The following ROBO2 variants were observed in gnomAD, a reference collection of about 807,000 sequenced individuals.
ROBO2 encodes roundabout guidance receptor 2.
Under a neutral mutation model 160.8 loss-of-function variants are expected in ROBO2, and 53 were observed. The ratio of observed to expected loss-of-function variants is 0.33; its 90% CI spans 0.26 to 0.41. The LOEUF (loss-of-function observed/expected upper bound fraction) is 0.41. Ranked by LOEUF, ROBO2 falls within the 10% of genes least tolerant of loss-of-function variation. ROBO2 has a pLI of 1.00. For missense variants in ROBO2, 1,577 were observed against 1,722.4 expected (o/e 0.92, Z 1.49); for synonymous variants, 664 against 611.7 (o/e 1.09, Z -1.26).
At chr3:76,839,037 C>T (rs1329226953) in intron 2 of ROBO2, among the ~76,000 whole-genome samples, 1 of 152,112 alleles carries the variant, frequency 6.6e-6, no homozygotes, top group Non-Finnish European at 1.5e-5. Flanking sequence ...ACCACTGATG[C>T]AATCTAGATG....
intron 2 of ROBO2, among the ~76,000 whole-genome samples, chr3:76,845,975 C>G (rs2068739561): frequency 6.6e-6 from 1 of 152,080 alleles, no homozygotes. Context: ...CACTGTGGAA[C>G]ATTACTTATG....
At chr3:77,370,710 G>T (rs1456897237) in intron 2 of ROBO2, among the ~76,000 whole-genome samples, 14 of 152,104 alleles carry the variant, frequency 9.2e-5, no homozygotes, top group Admixed American at 7.2e-4. Context: ...CTTTAAAGAA[G>T]AATAATATTG....
intron 2 of ROBO2, among the ~76,000 whole-genome samples, chr3:77,104,122 T>C (rs2072453796): frequency 6.6e-6 from 1 of 152,150 alleles, no homozygotes; most frequent in Admixed American, 6.5e-5. Context: ...TTTTGGTGTA[T>C]TCATGGGGTT....
rs187308840 is a variant in ROBO2 at position 77,185,905 on chromosome 3, G to T, written c.388+87565G>T. Among the ~76,000 whole-genome samples, 52 of 152,008 alleles carry T rather than the reference G, an allele frequency of 3.4e-4. No homozygotes were observed. In the East Asian group the frequency reaches 9.5e-3, roughly 28 times the overall value. ...AACCTGGATGAGATTGGAGATTATTGTTCTAAGTGAAGTAGCTCAGGAGCG... is the reference window on the plus strand; with the variant it reads ...AACCTGGATGAGATTGGAGATTATTTTTCTAAGTGAAGTAGCTCAGGAGCG... On this transcript the variant is annotated intron_variant, in intron 2 of 25. Transcript: ENST00000461745.
intron 2 of ROBO2, among the ~76,000 whole-genome samples, chr3:76,420,224 AG>A (rs2075934306): frequency 2.6e-5 from 4 of 152,092 alleles, no homozygotes; most frequent in Non-Finnish European, 5.9e-5. Flanking sequence ...TATCTTTCCT[AG>A]GCTGATCTTG....
At chr3:77,635,133 A>C (rs958318189) in intron 24 of ROBO2, 90 bp downstream of exon 25, 1 of 1,416,842 alleles carries the variant, frequency 7.1e-7, no homozygotes, top group Non-Finnish European at 9.8e-7. Context: ...ATGGTAGATT[A>C]GCCATTGCTT....
chr3:76,789,781 C>T (rs116543734), intron 2 of ROBO2, among the ~76,000 whole-genome samples: 4,951 of 151,520 alleles, frequency 0.033, 109 homozygotes, highest in Middle Eastern at 0.13. Context: ...AGAAATAGAA[C>T]GTCAAGAAAA....
At chr3:77,579,038 C>A (rs2093843076) in intron 15 of ROBO2, among the ~76,000 whole-genome samples, 1 of 152,064 alleles carries the variant, frequency 6.6e-6, no homozygotes, top group Non-Finnish European at 1.5e-5. Flanking sequence ...ACATGATTCA[C>A]AAGAATTATT....
chr3:76,987,538 G>A (rs6770370), intron 2 of ROBO2, among the ~76,000 whole-genome samples: 95,397 of 151,936 alleles, frequency 0.63, 32,486 homozygotes, highest in African/African-American at 0.9. Flanking sequence ...ATGTAGCAAT[G>A]TATTTTACTG....
At chr3:76,279,494 T>G (rs1037446551) in intron 2 of ROBO2, among the ~76,000 whole-genome samples, 3 of 152,012 alleles carry the variant, frequency 2.0e-5, no homozygotes, top group Non-Finnish European at 4.4e-5. Flanking sequence ...ATATTAGTTA[T>G]AATAGGTCTT....
intron 2 of ROBO2, among the ~76,000 whole-genome samples, chr3:76,416,433 A>G (rs1218745931): frequency 2.0e-5 from 3 of 151,746 alleles, no homozygotes; most frequent in African/African-American, 4.9e-5. Context: ...TGTGGGGGGG[A>G]AATAATTTAC....
Position 76,740,005 on chromosome 3 carries a change from G to A in ROBO2, c.110-358009G>A, listed in dbSNP as rs753747136. Reference sequence around the variant, plus strand: ...CCATTTCAAAACTAAGAAAAATGGCGTTTTTGAACATATCTTTTTGCCTAT... The same window carrying A: ...CCATTTCAAAACTAAGAAAAATGGCATTTTTGAACATATCTTTTTGCCTAT... On this transcript the variant is annotated intron_variant, in intron 2 of 26. Transcript: ENST00000487694. Among the ~76,000 whole-genome samples the A allele has an allele frequency of 1.2e-3, 182 of 152,108 alleles. 3 individuals are homozygous for A. Among genetic ancestry groups the A allele is most frequent in the South Asian group, 4.1e-4 (2 of 4,832 alleles).
chr3:76,440,651 T>C (rs2076884086), intron 2 of ROBO2, among the ~76,000 whole-genome samples: 1 of 152,164 alleles, frequency 6.6e-6, no homozygotes, highest in Non-Finnish European at 1.5e-5. Context: ...AGAAATGTGT[T>C]CTGTATCCAC....
At chr3:76,582,726 G>A (rs796122452) in intron 2 of ROBO2, among the ~76,000 whole-genome samples, 6 of 152,262 alleles carry the variant, frequency 3.9e-5, no homozygotes, top group African/African-American at 1.4e-4. Flanking sequence ...TTGGTGGTCA[G>A]TATGGTTAGA....
intron 2 of ROBO2, among the ~76,000 whole-genome samples, chr3:77,476,115 A>C (rs2153583991): frequency 6.6e-6 from 1 of 152,120 alleles, no homozygotes; most frequent in Admixed American, 6.6e-5. Flanking sequence ...GAAAAGAAAA[A>C]CCCTGAAGTC....
intron 2 of ROBO2, among the ~76,000 whole-genome samples, chr3:76,443,236 A>C (rs1303102707): frequency 6.6e-6 from 1 of 152,126 alleles, no homozygotes; most frequent in Non-Finnish European, 1.5e-5. Flanking sequence ...ATGACAGAGC[A>C]ACCCCCATGA....
intron 2 of ROBO2, among the ~76,000 whole-genome samples, chr3:76,658,084 A>G (rs1208664862): frequency 1.4e-5 from 2 of 147,344 alleles, no homozygotes; most frequent in East Asian, 4.0e-4. Context: ...AAATAAATAA[A>G]TAAATAAATA....
intron 17 of ROBO2, among the ~76,000 whole-genome samples, chr3:77,592,615 G>T (rs975492399): frequency 6.6e-6 from 1 of 152,030 alleles, no homozygotes; most frequent in Admixed American, 6.6e-5. Flanking sequence ...GCAGTGGCAC[G>T]ATCTTGGCTC....
chr3:77,357,108 G>A (rs576325540), intron 2 of ROBO2, among the ~76,000 whole-genome samples: 9 of 152,252 alleles, frequency 5.9e-5, no homozygotes, highest in African/African-American at 1.9e-4. Flanking sequence ...CTTTGCAAGG[G>A]CCTTTCGTGT....
Sources: gnomAD v4.1 joint callset for allele counts (sites outside exome capture counted in the v4.1 genomes callset) on GRCh38, gnomAD v4.1.1 for gene constraint, MANE v1.5 for transcripts, NCBI Gene and HGNC (gene_info 2026-07-23, HGNC 2026-07-21) for gene names.